Variants in TCF7L2 observed in about 807,000 individuals in gnomAD.
The protein encoded by TCF7L2 is transcription factor 7 like 2.
A neutral mutation model predicts 77.9 loss-of-function variants in TCF7L2; 23 were observed. The observed-to-expected ratio is 0.30, with a 90% confidence interval of 0.21 to 0.42. The LOEUF (loss-of-function observed/expected upper bound fraction) is 0.42. Ranked by LOEUF, TCF7L2 falls within the 10% of genes least tolerant of loss-of-function variation. The pLI is 1.00. For missense variants in TCF7L2, 654 were observed against 793.1 expected, an observed-to-expected ratio of 0.82 and a Z score of 2.11; for synonymous variants, 413 against 340.2, an observed-to-expected ratio of 1.21 and a Z score of -2.36.
intron 11 of TCF7L2, among the ~76,000 whole-genome samples, chr10:113,155,012 C>T (rs917329557): frequency 2.0e-5 from 3 of 149,088 alleles, no homozygotes; most frequent in Admixed American, 6.7e-5. Flanking sequence ...ACTAACTTGA[C>T]GTGGGAGTTT....
intron 13 of TCF7L2, chr10:113,160,748 C>T (rs2073034352): frequency 6.8e-7 from 1 of 1,479,212 alleles, no homozygotes; most frequent in Admixed American, 2.2e-5. Context: ...CTTCCGGTAC[C>T]TTAGCGTGAT....
rs373424574 is a variant in TCF7L2, at chr10:113,085,788, C to T, written c.552+45662C>T. ...GATCCAGCCTCATAACTTCACTTTC[C>T]GCAGGAGAAACACACCTCTTGAGGT... On this transcript the variant is annotated intron_variant, in intron 5 of 13. Coordinates refer to ENST00000627217, the MANE Select transcript of TCF7L2 (RefSeq NM_001146274.2). Among the ~76,000 whole-genome samples, 69 of 152,314 alleles carry T rather than the reference C, an allele frequency of 4.5e-4. No individual in the cohort carries two copies. In the South Asian group the frequency reaches 0.012, roughly 27 times the overall value.
At chr10:113,000,911 C>G (rs1054799492) in intron 4 of TCF7L2, among the ~76,000 whole-genome samples, 3 of 152,224 alleles carry the variant, frequency 2.0e-5, no homozygotes, top group Admixed American at 6.5e-5. Context: ...GCCATTCCCC[C>G]ACCCTTCACT....
At chr10:113,005,908 T>C (rs2045469144) in intron 4 of TCF7L2, among the ~76,000 whole-genome samples, 1 of 152,124 alleles carries the variant, frequency 6.6e-6, no homozygotes, top group Non-Finnish European at 1.5e-5. Flanking sequence ...TGTTTAAATG[T>C]GGAATGTAGG....
At chr10:112,996,452 C>G (rs973448815) in intron 4 of TCF7L2, among the ~76,000 whole-genome samples, 1 of 152,206 alleles carries the variant, frequency 6.6e-6, no homozygotes, top group Non-Finnish European at 1.5e-5. Context: ...TGCAACATGT[C>G]AGGCCTTGGA....
intron 4 of TCF7L2, 97 bp from the exon 5 acceptor site, chr10:113,039,928 T>C: frequency 9.5e-7 from 1 of 1,049,944 alleles, no homozygotes. Context: ...TGTTTTTCAG[T>C]TTCTGACCCA....
At chr10:113,035,726 A>C (rs888428770) in intron 4 of TCF7L2, among the ~76,000 whole-genome samples, 5 of 152,238 alleles carry the variant, frequency 3.3e-5, no homozygotes, top group African/African-American at 9.6e-5. Flanking sequence ...GTTGAAACAC[A>C]TCAAGAGAGG....
intron 5 of TCF7L2, among the ~76,000 whole-genome samples, chr10:113,073,754 G>C (rs1479408412): frequency 2.6e-5 from 4 of 151,158 alleles, no homozygotes; most frequent in African/African-American, 9.7e-5. Context: ...GCTGCTTCCC[G>C]ATCTCCTTTT....
At chr10:113,056,563 C>G (rs938863868) in intron 5 of TCF7L2, among the ~76,000 whole-genome samples, 1 of 152,104 alleles carries the variant, frequency 6.6e-6, no homozygotes, top group Non-Finnish European at 1.5e-5. Flanking sequence ...TCACCCTCCC[C>G]CATATTATTG....
chr10:113,060,880 G>A lies in TCF7L2; in HGVS notation c.552+20754G>A, dbSNP rs140413067. 9.2e-4 allele frequency among the ~76,000 whole-genome samples: 140 copies of A among 152,188 alleles called. 1 individual carries two copies. Among genetic ancestry groups the A allele is most frequent in the Middle Eastern group, 3.4e-3 (1 of 294 alleles). On this transcript the variant is annotated intron_variant, in intron 5 of 13. Coordinates refer to ENST00000627217, the MANE Select transcript of TCF7L2 (RefSeq NM_001146274.2). Reference sequence around the variant, plus strand: ...CAGCTGTGGCTGGCTGCTGTGTGACGATGACCTAGTAGCCACCCATGTGGA... The same window carrying A: ...CAGCTGTGGCTGGCTGCTGTGTGACAATGACCTAGTAGCCACCCATGTGGA...
chr10:113,047,220 G>A (rs746687313), intron 5 of TCF7L2, among the ~76,000 whole-genome samples: 14 of 152,120 alleles, frequency 9.2e-5, no homozygotes, highest in Admixed American at 2.0e-4. Flanking sequence ...AAAGAACAAA[G>A]TGTTAAAAAA....
At chr10:112,962,673 A>T (rs1002359394) in intron 3 of TCF7L2, among the ~76,000 whole-genome samples, 1 of 152,136 alleles carries the variant, frequency 6.6e-6, no homozygotes, top group African/African-American at 2.4e-5. Flanking sequence ...GTCTTGGCTC[A>T]CTGCAACTTC....
rs137887119 is a variant in TCF7L2 at position 113,124,982 on chromosome 10, G to T, written c.553-16202G>T. Among the ~76,000 whole-genome samples, 945 of 152,198 alleles carry T rather than the reference G, an allele frequency of 6.2e-3. 7 individuals carry two copies. Among genetic ancestry groups the T allele is most frequent in the Middle Eastern group, 0.02 (6 of 294 alleles). On this transcript the variant is annotated intron_variant, in intron 5 of 13. Transcript: ENST00000627217. ...TCCTGTGTGTTTATGACAGAAAGAT[G>T]TCATCGTTAAAGGAAACTTAAGAGT...
At chr10:113,026,180 A>G (rs4128598) in intron 4 of TCF7L2, among the ~76,000 whole-genome samples, 80,821 of 147,420 alleles carry the variant, frequency 0.55, 24,189 homozygotes, top group African/African-American at 0.8. Context: ...CGCCTGGCCT[A>G]CCCCCTGTCG....
chr10:113,054,604 A>G (rs939086439), intron 5 of TCF7L2, among the ~76,000 whole-genome samples: 2 of 152,208 alleles, frequency 1.3e-5, no homozygotes, highest in African/African-American at 4.8e-5. Context: ...ACAGAAAGGT[A>G]CAAAGGATAA....
Position 113,165,676 on chromosome 10 carries a change from C to G in TCF7L2, c.1513C>G (p.Arg505Gly), listed in dbSNP as rs375657594. The G allele has an allele frequency of 2.2e-5, 35 of 1,611,104 alleles. No individual in the cohort carries two copies. The highest frequency in any genetic ancestry group is 8.9e-5 in the East Asian group (4 of 44,822). ...CCCGAACCTGCTAGGCTCCCCTCCC[C>G]GAGACGCCAAGTCACAGACTGAGCA... Residue 505 changes from arginine (R) to glycine (G), a missense_variant, in exon 14 of 14, where the codon CGA becomes GGA. This residue lies in a region of TCF7L2 where 272 missense variants were observed against 215.4 expected (regional missense o/e 1.26). Coordinates refer to ENST00000627217, the MANE Select transcript of TCF7L2 (RefSeq NM_001146274.2).
At chr10:113,037,847 C>T (rs1242498993) in intron 4 of TCF7L2, among the ~76,000 whole-genome samples, 1 of 152,168 alleles carries the variant, frequency 6.6e-6, no homozygotes, top group Non-Finnish European at 1.5e-5. Context: ...CATTTTTGTT[C>T]ACGGGTTTTT....
intron 5 of TCF7L2, among the ~76,000 whole-genome samples, chr10:113,104,846 ATTAGCT>A (rs1431283865): frequency 6.6e-6 from 1 of 152,174 alleles, no homozygotes; most frequent in Admixed American, 6.5e-5. Flanking sequence ...GTACCATCCC[ATTAGCT>A]TGGTACATGA....
intron 5 of TCF7L2, among the ~76,000 whole-genome samples, chr10:113,112,520 T>A (rs1351881176): frequency 1.3e-5 from 2 of 152,216 alleles, no homozygotes; most frequent in Non-Finnish European, 2.9e-5. Context: ...GGGGCTTGGG[T>A]GTGTGCACAC....
Sources: gnomAD v4.1 joint callset for allele counts (sites outside exome capture counted in the v4.1 genomes callset) on GRCh38, gnomAD v4.1.1 for gene constraint, gnomAD v4.1.1 regional missense constraint, MANE v1.5 for transcripts, NCBI Gene and HGNC (gene_info 2026-07-23, HGNC 2026-07-21) for gene names.